The following CRTC1 variants were observed in gnomAD, a reference collection of about 807,000 sequenced individuals.
The protein encoded by CRTC1 is CREB regulated transcription coactivator 1.
A neutral mutation model predicts 66.1 loss-of-function variants in CRTC1; 18 were observed. The ratio of observed to expected loss-of-function variants is 0.27; its 90% confidence interval spans 0.19 to 0.40. The LOEUF is 0.40. Ranked by LOEUF, CRTC1 falls within the 10% of genes least tolerant of loss-of-function variation. The pLI is 1.00. For synonymous variants in CRTC1, 416 were observed against 398.8 expected, an observed-to-expected ratio of 1.04 and a Z score of -0.51; for missense variants, 669 against 887.9, an observed-to-expected ratio of 0.75 and a Z score of 3.13.
rs1185867582 is a variant in CRTC1, at chr19:18,717,711, G to GAGAGGA, written c.127-25199_127-25198insAGAGGA. On this transcript the variant is annotated intron_variant, in intron 1 of 13. Coordinates refer to ENST00000321949, the MANE Select transcript of CRTC1 (RefSeq NM_015321.3). ...CTCAGAGAGGAGGGTGCAGGGTTCC[G>GAGAGGA]GGGTGGGCCAAATGCCGGGTGGGAG... Among the ~76,000 whole-genome samples, 19 of 152,240 alleles carry GAGAGGA rather than the reference G, an allele frequency of 1.2e-4. No individual in the cohort carries two copies. In the East Asian group the frequency reaches 3.7e-3, roughly 29 times the overall value.
intron 1 of CRTC1, 53 bp downstream of exon 1, chr19:18,683,881 G>A (rs994106517): frequency 9.3e-5 from 91 of 974,564 alleles, no homozygotes; most frequent in Non-Finnish European, 3.0e-5. Context: ...GAGGGAGGGG[G>A]CGCGTGTCCG....
chr19:18,770,725 TTGTG>T (rs2054843779), intron 10 of CRTC1, among the ~76,000 whole-genome samples: 1 of 144,278 alleles, frequency 6.9e-6, no homozygotes, highest in African/African-American at 2.6e-5. Flanking sequence ...ATGTGGACAT[TTGTG>T]TGTGGATATG....
At chr19:18,749,960 T>A in intron 5 of CRTC1, 85 bp downstream of exon 5, 1 of 1,034,892 alleles carries the variant, frequency 9.7e-7, no homozygotes, top group Non-Finnish European at 1.5e-6. Context: ...CACAAGCTTG[T>A]GGGCAGATGG....
intron 3 of CRTC1, among the ~76,000 whole-genome samples, chr19:18,746,812 G>A (rs959194945): frequency 1.3e-5 from 2 of 152,182 alleles, no homozygotes; most frequent in African/African-American, 2.4e-5. Flanking sequence ...GTGTGCTCAC[G>A]GAGCAGAGTG....
intron 1 of CRTC1, among the ~76,000 whole-genome samples, chr19:18,691,259 T>C (rs12052075): frequency 0.37 from 56,193 of 150,628 alleles, 11,043 homozygotes; most frequent in East Asian, 0.51. Context: ...CTCACGCCTG[T>C]AATCCCAACA....
intron 1 of CRTC1, among the ~76,000 whole-genome samples, chr19:18,725,763 G>A (rs992422131): frequency 2.0e-5 from 3 of 152,092 alleles, no homozygotes; most frequent in South Asian, 2.1e-4. Flanking sequence ...CAGGTATTCC[G>A]CCACCTTCCC....
chr19:18,780,545 C>A lies in CRTC1; in HGVS notation c.*3163C>A, dbSNP rs2055083435. 1 of 230,840 alleles carries A rather than the reference C, an allele frequency of 4.3e-6. No individual in the cohort carries two copies. Among genetic ancestry groups the A allele is most frequent in the Non-Finnish European group, 8.6e-6 (1 of 116,558 alleles). The allele number at this position is 230,840 out of a possible 1,614,324, so 14.3% of individuals were successfully genotyped here. A position where few individuals can be genotyped will look rare whatever the true frequency, so the allele number is the denominator to read the frequency against. On this transcript the variant is annotated 3_prime_UTR_variant, in exon 14 of 14. Transcript: ENST00000321949. Reference sequence around the variant, plus strand: ...TCAGGGGGCCAAGCTCCCGGGAGGACCCCTAGCCAGGAGGGCCCCCCATGT... The same window carrying A: ...TCAGGGGGCCAAGCTCCCGGGAGGAACCCTAGCCAGGAGGGCCCCCCATGT...
intron 1 of CRTC1, among the ~76,000 whole-genome samples, chr19:18,733,126 G>T (rs2053926182): frequency 6.6e-6 from 1 of 151,994 alleles, no homozygotes. Flanking sequence ...AGCCCTCCCG[G>T]CTGGGGAAAG....
intron 1 of CRTC1, among the ~76,000 whole-genome samples, chr19:18,691,651 T>C (rs1275749817): frequency 6.6e-6 from 1 of 151,372 alleles, no homozygotes; most frequent in African/African-American, 2.4e-5. Flanking sequence ...CCCCAGAAGC[T>C]GGAAGGGATA....
chr19:18,746,811 C>T (rs1033488676), intron 3 of CRTC1, among the ~76,000 whole-genome samples: 1 of 152,188 alleles, frequency 6.6e-6, no homozygotes, highest in Non-Finnish European at 1.5e-5. Context: ...CGTGTGCTCA[C>T]GGAGCAGAGT....
At chr19:18,727,493 ATCG>A (rs2053784729) in intron 1 of CRTC1, among the ~76,000 whole-genome samples, 1 of 141,982 alleles carries the variant, frequency 7.0e-6, no homozygotes, top group African/African-American at 2.6e-5. Context: ...AGGCAGGAGA[ATCG>A]CTTAAACCTG....
At chr19:18,775,097 C>A (rs1027045657) in intron 12 of CRTC1, 111 bp downstream of exon 12, 7 of 1,051,812 alleles carry the variant, frequency 6.7e-6, no homozygotes, top group Admixed American at 2.0e-5. Context: ...TCGGGGGGCC[C>A]GTGCCTGCCC....
intron 1 of CRTC1, among the ~76,000 whole-genome samples, chr19:18,719,356 C>T (rs551350351): frequency 2.7e-4 from 41 of 152,278 alleles, no homozygotes; most frequent in African/African-American, 9.4e-4. Flanking sequence ...CAGCAGGTGC[C>T]ACCTGGGGCC....
chr19:18,750,759 G>T (rs1054596084), intron 5 of CRTC1, among the ~76,000 whole-genome samples: 1 of 152,196 alleles, frequency 6.6e-6, no homozygotes, highest in Non-Finnish European at 1.5e-5. Context: ...CTCACTCCGG[G>T]GTTCCGGCTC....
intron 1 of CRTC1, among the ~76,000 whole-genome samples, chr19:18,712,585 A>G (rs2053416770): frequency 6.6e-6 from 1 of 152,130 alleles, no homozygotes; most frequent in African/African-American, 2.4e-5. Context: ...AAAGTGTGCA[A>G]TTTAGTGGCA....
chr19:18,705,797 A>AT (rs71168764), intron 1 of CRTC1, among the ~76,000 whole-genome samples: 12 of 150,878 alleles, frequency 8.0e-5, no homozygotes, highest in Admixed American at 2.7e-4. Flanking sequence ...TAATCCTAAT[A>AT]TTTTTTTTTT....
Position 18,760,860 on chromosome 19 carries a change from G to T in CRTC1, c.886+632G>T, listed in dbSNP as rs565270608. ...CAGACATGGACCTGACCCATTGTCAGCGTGTCCTGTCGGTTCCGCCCTCAG... is the reference window on the plus strand; with the variant it reads ...CAGACATGGACCTGACCCATTGTCATCGTGTCCTGTCGGTTCCGCCCTCAG... On this transcript the variant is annotated intron_variant, in intron 8 of 13. Coordinates refer to ENST00000321949, the MANE Select transcript of CRTC1 (RefSeq NM_015321.3). This position sits in a 1 kb window ranked among gnomAD's most constrained non-coding sequence, Gnocchi z 6.2. 1.2e-4 allele frequency among the ~76,000 whole-genome samples: 18 copies of T among 151,936 alleles called. No homozygotes were observed. The highest frequency in any genetic ancestry group is 4.6e-4 in the Admixed American group (7 of 15,280).
At chr19:18,698,516 G>A (rs1340594231) in intron 1 of CRTC1, among the ~76,000 whole-genome samples, 2 of 147,966 alleles carry the variant, frequency 1.4e-5, no homozygotes, top group South Asian at 2.2e-4. Context: ...CTCAGCAGGC[G>A]CTCAGCAGGC....
At position 18,760,782 on chromosome 19, in the gene CRTC1, C is replaced by A. The variant is rs1299271916; in HGVS notation, c.886+554C>A. 6.6e-6 allele frequency among the ~76,000 whole-genome samples: 1 copy of A among 152,068 alleles called. No homozygotes were observed. Among genetic ancestry groups the A allele is most frequent in the Non-Finnish European group, 1.5e-5 (1 of 67,998 alleles). The stretch of plus-strand genomic sequence containing the variant: ...GCCGCCCTGCTCCCCCGGGACCCCC[C>A]TCCTGTGGCTGCACTGATTGCAGAG... On this transcript the variant is annotated intron_variant, in intron 8 of 13. Transcript: ENST00000321949. The surrounding 1 kb of genome is among the most constrained non-coding windows in gnomAD (Gnocchi z 6.2).
Sources: gnomAD v4.1 joint callset for allele counts (sites outside exome capture counted in the v4.1 genomes callset) on GRCh38, gnomAD v4.1.1 for gene constraint, Gnocchi (gnomAD v3.1) non-coding constraint, MANE v1.5 for transcripts, NCBI Gene and HGNC (gene_info 2026-07-23, HGNC 2026-07-21) for gene names.